Variants in CALCRL observed in about 807,000 individuals in gnomAD.
The protein encoded by CALCRL is calcitonin gene-related peptide type 1 receptor.
CALCRL carries 27 observed loss-of-function variants against 60.4 expected under a neutral mutation model. That is an observed-to-expected ratio of 0.45 (90% CI 0.33 to 0.62). CALCRL has a LOEUF of 0.62. Among genes scored for constraint, CALCRL ranks in the 20% least tolerant of loss-of-function variants. The pLI, the probability that CALCRL is intolerant of heterozygous loss-of-function variation, is 0.03. For missense variants in CALCRL, 424 were observed against 540.7 expected (o/e 0.78, Z 2.14); for synonymous variants, 190 against 182.6 (o/e 1.04, Z -0.33).
intron 1 of CALCRL, among the ~76,000 whole-genome samples, chr2:187,409,397 G>A (rs1372859078): frequency 6.6e-6 from 1 of 152,080 alleles, no homozygotes; most frequent in Non-Finnish European, 1.5e-5. Flanking sequence ...ATAACTGTAG[G>A]CAAAAGAAAT....
At chr2:187,358,531 G>A (rs1313155887) in intron 12 of CALCRL, among the ~76,000 whole-genome samples, 1 of 125,216 alleles carries the variant, frequency 8.0e-6, no homozygotes, top group Non-Finnish European at 1.9e-5. Flanking sequence ...ACCCCCCCCT[G>A]CTAGATTCAT....
intron 8 of CALCRL, among the ~76,000 whole-genome samples, chr2:187,372,491 T>G (rs1687574304): frequency 2.0e-5 from 3 of 152,102 alleles, no homozygotes; most frequent in East Asian, 3.9e-4. Flanking sequence ...TTTAATTGGC[T>G]CTAATATAAA....
chr2:187,390,751 A>G (rs1688403703), intron 1 of CALCRL, among the ~76,000 whole-genome samples: 1 of 152,076 alleles, frequency 6.6e-6, no homozygotes, highest in South Asian at 2.1e-4. Flanking sequence ...ATAAGGTGGT[A>G]TTTTTCACTG....
intron 1 of CALCRL, among the ~76,000 whole-genome samples, chr2:187,442,330 A>G (rs558669407): frequency 6.6e-6 from 1 of 151,278 alleles, no homozygotes; most frequent in African/African-American, 2.4e-5. Flanking sequence ...TATGAAACTC[A>G]TGCAACTGTA....
At chr2:187,420,817 G>A (rs1270082907) in intron 1 of CALCRL, among the ~76,000 whole-genome samples, 6 of 152,086 alleles carry the variant, frequency 3.9e-5, no homozygotes, top group African/African-American at 1.4e-4. Flanking sequence ...CATATCTAGA[G>A]TTTTACTTTC....
intron 8 of CALCRL, among the ~76,000 whole-genome samples, chr2:187,375,349 G>GA (rs1292450869): frequency 6.6e-6 from 1 of 150,776 alleles, no homozygotes; most frequent in Non-Finnish European, 1.5e-5. Flanking sequence ...ACTTGCCACT[G>GA]AAAAATTCTT....
chr2:187,429,119 A>G (rs1487298601), intron 1 of CALCRL, among the ~76,000 whole-genome samples: 1 of 152,090 alleles, frequency 6.6e-6, no homozygotes, highest in East Asian at 1.9e-4. Context: ...CTTTACTGAT[A>G]ACTAGAAATA....
intron 3 of CALCRL, among the ~76,000 whole-genome samples, chr2:187,385,882 A>T (rs901837555): frequency 1.3e-5 from 2 of 152,070 alleles, no homozygotes; most frequent in East Asian, 3.9e-4. Context: ...TCCCAAGTAG[A>T]TGGATTACAG....
chr2:187,346,366 A>G lies in CALCRL; in HGVS notation c.1204T>C (p.Tyr402His), dbSNP rs1313080675. The G allele has an allele frequency of 1.9e-6, 3 of 1,611,748 alleles. No homozygotes were observed. The highest frequency in any genetic ancestry group is 2.5e-6 in the Non-Finnish European group (3 of 1,178,704). Reference sequence around the variant, plus strand: ...AAGCTGTTTCCAAATTGGATTTTGTATTGATTCCAGTTTCTTCTCAGAATT... The same window carrying G: ...AAGCTGTTTCCAAATTGGATTTTGTGTTGATTCCAGTTTCTTCTCAGAATT... ...QAILRRNWNQ[Y>H]KIQFGNSFSN... The change falls in exon 15 of 15, where the codon TAC becomes CAC. Residue 402 changes from tyrosine (Y) to histidine (H), a missense_variant. Around this residue, in one of 7 missense-constraint regions of CALCRL, gnomAD observed 222 missense variants for 265.6 expected, o/e 0.84. Transcript: ENST00000392370.
At chr2:187,382,755 A>G (rs1688032610) in intron 5 of CALCRL, among the ~76,000 whole-genome samples, 1 of 152,112 alleles carries the variant, frequency 6.6e-6, no homozygotes, top group South Asian at 2.1e-4. Flanking sequence ...CAAATGTACT[A>G]TGCAAAGTGT....
At chr2:187,376,715 T>C (rs1687770578) in intron 8 of CALCRL, among the ~76,000 whole-genome samples, 1 of 152,130 alleles carries the variant, frequency 6.6e-6, no homozygotes, top group African/African-American at 2.4e-5. Context: ...TCTAACTTGT[T>C]TGGGACTGTA....
rs565802321 is a variant in CALCRL at position 187,382,656 on chromosome 2, C to T, written c.184+517G>A. Among the ~76,000 whole-genome samples the T allele has an allele frequency of 5.9e-5, 9 of 152,176 alleles. No individual in the cohort carries two copies. In the East Asian group the frequency reaches 1.7e-3, roughly 29 times the overall value. ...TCAGAATCTAGTCAAGTATCTGGTGCTTAGCAGGCTCTCAATGAATGTTAT... is the reference window on the plus strand; with the variant it reads ...TCAGAATCTAGTCAAGTATCTGGTGTTTAGCAGGCTCTCAATGAATGTTAT... On this transcript the variant is annotated intron_variant, in intron 5 of 14. Coordinates refer to ENST00000392370, the MANE Select transcript of CALCRL (RefSeq NM_005795.6).
At chr2:187,358,846 G>A (rs924528608) in intron 12 of CALCRL, among the ~76,000 whole-genome samples, 1 of 151,998 alleles carries the variant, frequency 6.6e-6, no homozygotes, top group African/African-American at 2.4e-5. Context: ...TCCATTGTTG[G>A]TCCCTAATGG....
intron 1 of CALCRL, among the ~76,000 whole-genome samples, chr2:187,426,488 T>C (rs1049209208): frequency 1.1e-4 from 16 of 152,008 alleles, no homozygotes; most frequent in Admixed American, 1.1e-3. Context: ...ATAATAATAG[T>C]GGCTAACACG....
At chr2:187,366,963 C>CACACACACACACA (rs1574231818) in intron 8 of CALCRL, among the ~76,000 whole-genome samples, 1 of 148,352 alleles carries the variant, frequency 6.7e-6, no homozygotes, top group African/African-American at 2.5e-5. Context: ...CACACACACA[C>CACACACACACACA]GACATCTTAT....
intron 12 of CALCRL, among the ~76,000 whole-genome samples, chr2:187,356,572 A>G (rs1164628927): frequency 6.6e-6 from 1 of 152,176 alleles, no homozygotes; most frequent in East Asian, 1.9e-4. Context: ...AAGCGAGGCA[A>G]TATCATTCAG....
chr2:187,440,918 C>A lies in CALCRL; in HGVS notation c.-293+7121G>T, dbSNP rs1048085709. ...AAAATTAAACAATATTTAGGAAAAT[C>A]ATTATATGAATTTCACTCCTGCCAG... is the stretch of plus-strand genomic sequence containing the variant. On this transcript the variant is annotated intron_variant, in intron 1 of 14. Transcript: ENST00000392370. Among the ~76,000 whole-genome samples, 16 of 152,058 alleles carry A rather than the reference C, an allele frequency of 1.1e-4. No homozygotes were observed. In the East Asian group the frequency reaches 2.9e-3, roughly 28 times the overall value.
intron 8 of CALCRL, among the ~76,000 whole-genome samples, chr2:187,368,860 T>C (rs934698549): frequency 6.6e-6 from 1 of 152,074 alleles, no homozygotes; most frequent in Non-Finnish European, 1.5e-5. Context: ...CCACAAACCA[T>C]AGGCAGAAAA....
intron 5 of CALCRL, among the ~76,000 whole-genome samples, chr2:187,381,423 G>T (rs1253308885): frequency 6.6e-6 from 1 of 151,650 alleles, no homozygotes; most frequent in Non-Finnish European, 1.5e-5. Context: ...ACCGACCAAT[G>T]TTCTAATGTT....
Sources: allele counts gnomAD v4.1 joint callset (sites outside exome capture counted in the v4.1 genomes callset), GRCh38; gene constraint gnomAD v4.1.1; regional missense constraint gnomAD v4.1.1; transcripts MANE v1.5; gene names NCBI Gene and HGNC (gene_info 2026-07-23, HGNC 2026-07-21).